Variants in SLC8A1 observed in about 807,000 individuals in gnomAD.
SLC8A1 encodes the protein sodium/calcium exchanger 1.
Under a neutral mutation model 68.3 loss-of-function variants are expected in SLC8A1, and 18 were observed. The observed-to-expected ratio is 0.26, with a 90% CI of 0.18 to 0.39. The LOEUF (loss-of-function observed/expected upper bound fraction) is 0.39. Among genes scored for constraint, SLC8A1 ranks in the 10% least tolerant of loss-of-function variants. The pLI is 1.00. For missense variants in SLC8A1, 985 were observed against 1,156.7 expected, an observed-to-expected ratio of 0.85 and a Z score of 2.15; for synonymous variants, 475 against 415.5, an observed-to-expected ratio of 1.14 and a Z score of -1.74.
intron 4 of SLC8A1, among the ~76,000 whole-genome samples, chr2:40,167,964 T>G (rs756308409): frequency 6.6e-6 from 1 of 152,278 alleles, no homozygotes; most frequent in Admixed American, 6.5e-5. Context: ...TTACAATATA[T>G]GGAATATAGT....
chr2:40,431,319 CA>C (rs977580897), intron 1 of SLC8A1, among the ~76,000 whole-genome samples: 6 of 151,734 alleles, frequency 4.0e-5, no homozygotes, highest in Non-Finnish European at 5.9e-5. Context: ...TTCAAGTGAC[CA>C]AAAAATGCAG....
intron 7 of SLC8A1, among the ~76,000 whole-genome samples, chr2:40,133,862 A>G (rs1011062940): frequency 6.6e-6 from 1 of 152,214 alleles, no homozygotes; most frequent in Non-Finnish European, 1.5e-5. Context: ...CAATATACCC[A>G]AGGCTTATCC....
chr2:40,269,390 A>G (rs72796660), intron 2 of SLC8A1, among the ~76,000 whole-genome samples: 23,865 of 152,160 alleles, frequency 0.16, 2,495 homozygotes, highest in East Asian at 0.56. Flanking sequence ...CACTTCGAAG[A>G]AAATGGATTT....
chr2:40,357,989 G>C (rs1292129949), intron 2 of SLC8A1, among the ~76,000 whole-genome samples: 1 of 142,450 alleles, frequency 7.0e-6, no homozygotes, highest in South Asian at 2.3e-4. Flanking sequence ...GGGATAAAGG[G>C]AAATCCATCA....
intron 2 of SLC8A1, among the ~76,000 whole-genome samples, chr2:40,329,101 C>CACAA (rs1491558508): frequency 6.8e-6 from 1 of 147,654 alleles, no homozygotes; most frequent in Non-Finnish European, 1.5e-5. Context: ...CACACACACA[C>CACAA]GCACTGGACT....
In SLC8A1 at chr2:40,226,202, G is replaced by C. The variant is rs76924736; in HGVS notation, c.1809-48347C>G. On this transcript the variant is annotated intron_variant, in intron 2 of 7. Coordinates refer to ENST00000406785, the Ensembl canonical transcript of SLC8A1. ...CTGGGCAATGGGAAGGGCAAAGGAT[G>C]GCAAATTGGTCTGGTTCCATTATTG... Among the ~76,000 whole-genome samples the C allele has an allele frequency of 3.5e-3, 529 of 152,214 alleles. 4 individuals are homozygous for C. The highest frequency in any genetic ancestry group is 0.012 in the African/African-American group (504 of 41,544).
chr2:40,146,358 C>G (rs2042460542), intron 6 of SLC8A1, among the ~76,000 whole-genome samples: 1 of 152,102 alleles, frequency 6.6e-6, no homozygotes, highest in Non-Finnish European at 1.5e-5. Context: ...AACTCATAAT[C>G]TCACAATCCA....
chr2:40,225,144 A>G (rs1034440403), intron 2 of SLC8A1, among the ~76,000 whole-genome samples: 24 of 152,130 alleles, frequency 1.6e-4, no homozygotes, highest in Non-Finnish European at 2.9e-4. Context: ...GATTGGTCCA[A>G]AAGAAAACAA....
chr2:40,222,831 C>A (rs572589529), intron 2 of SLC8A1, among the ~76,000 whole-genome samples: 71 of 152,110 alleles, frequency 4.7e-4, no homozygotes, highest in Non-Finnish European at 8.1e-4. Context: ...CCATCTCATG[C>A]CAGTTAGAAT....
chr2:40,306,778 G>C (rs2072698263), intron 2 of SLC8A1, among the ~76,000 whole-genome samples: 1 of 152,144 alleles, frequency 6.6e-6, no homozygotes, highest in Non-Finnish European at 1.5e-5. Context: ...CTCCACGGCT[G>C]GTTGGCCAGG....
chr2:40,256,355 T>C (rs2063921133), intron 2 of SLC8A1, among the ~76,000 whole-genome samples: 1 of 152,166 alleles, frequency 6.6e-6, no homozygotes, highest in African/African-American at 2.4e-5. Flanking sequence ...CAAGGCTCAC[T>C]GGCCAAGATA....
intron 2 of SLC8A1, among the ~76,000 whole-genome samples, chr2:40,332,003 G>T (rs2076463386): frequency 6.6e-6 from 1 of 151,988 alleles, no homozygotes; most frequent in Non-Finnish European, 1.5e-5. Flanking sequence ...TGTCTGGAGT[G>T]CAGTGGTGTG....
At chr2:40,304,395 T>C (rs1485369062) in intron 2 of SLC8A1, among the ~76,000 whole-genome samples, 1 of 152,180 alleles carries the variant, frequency 6.6e-6, no homozygotes, top group African/African-American at 2.4e-5. Context: ...GGAATCCCTA[T>C]GTTAATTACC....
chr2:40,352,759 T>C (rs1273324769), intron 2 of SLC8A1, among the ~76,000 whole-genome samples: 2 of 152,198 alleles, frequency 1.3e-5, no homozygotes, highest in East Asian at 1.9e-4. Flanking sequence ...TCCGAACAAG[T>C]TGACTGCTTT....
chr2:40,119,708 A>G (rs1460785702), intron 7 of SLC8A1, among the ~76,000 whole-genome samples: 4 of 152,368 alleles, frequency 2.6e-5, no homozygotes, highest in Admixed American at 2.6e-4. Flanking sequence ...AAATATGTTG[A>G]TAATAACACA....
rs1374205283 is a variant in SLC8A1 at position 40,115,864 on chromosome 2, C to G, written c.2438-235G>C. ...AATGGACTGAGCAAGTGATCTTGGT[C>G]AAGTTTTGTATCCACAGATACTGCA... On this transcript the variant is annotated intron_variant, in intron 7 of 7. Coordinates refer to ENST00000406785, the Ensembl canonical transcript of SLC8A1. 2.0e-5 allele frequency among the ~76,000 whole-genome samples: 3 copies of G among 152,166 alleles called. No homozygotes were observed. In the South Asian group the frequency reaches 6.2e-4, roughly 32 times the overall value.
At chr2:40,290,151 G>A (rs916613556) in intron 2 of SLC8A1, among the ~76,000 whole-genome samples, 2 of 151,912 alleles carry the variant, frequency 1.3e-5, no homozygotes, top group Admixed American at 6.6e-5. Context: ...GTTCCATTAA[G>A]TCAAGGAGAC....
At chr2:40,296,826 T>C (rs1277087708) in intron 2 of SLC8A1, among the ~76,000 whole-genome samples, 4 of 152,148 alleles carry the variant, frequency 2.6e-5, no homozygotes, top group African/African-American at 4.8e-5. Flanking sequence ...CATCATCAAG[T>C]TCACCAATTA....
At chr2:40,343,432 C>T (rs1463556203) in intron 2 of SLC8A1, among the ~76,000 whole-genome samples, 1 of 152,118 alleles carries the variant, frequency 6.6e-6, no homozygotes, top group Non-Finnish European at 1.5e-5. Context: ...TTCTAACATC[C>T]TATTATCACT....
Sources: allele counts gnomAD v4.1 joint callset (sites outside exome capture counted in the v4.1 genomes callset), GRCh38; gene constraint gnomAD v4.1.1; transcripts MANE v1.5; gene names NCBI Gene and HGNC (gene_info 2026-07-23, HGNC 2026-07-21).